MYO1E: variants seen among roughly 807,000 people sequenced by gnomAD.
MYO1E encodes myosin IE, also known as unconventional myosin-Ie.
In MYO1E, 68 loss-of-function variants were observed where a neutral mutation model predicts 151.1. The ratio of observed to expected loss-of-function variants is 0.45; its 90% CI spans 0.37 to 0.55. The LOEUF is 0.55. MYO1E is among the 20% of genes least tolerant of loss of function. The pLI, the probability that MYO1E is intolerant of heterozygous loss-of-function variation, is 0.00. For missense variants in MYO1E, 1,363 were observed against 1,389.3 expected (o/e 0.98, Z 0.30); for synonymous variants, 601 against 501.7 (o/e 1.20, Z -2.64).
intron 1 of MYO1E, among the ~76,000 whole-genome samples, chr15:59,287,791 T>G (rs991758842): frequency 1.3e-5 from 2 of 152,166 alleles, no homozygotes; most frequent in African/African-American, 4.8e-5. Flanking sequence ...CACCCTAAGA[T>G]AGGATGGCCT....
Position 59,220,265 on chromosome 15 carries a change from G to A in MYO1E, c.911-2178C>T, listed in dbSNP as rs578121595. Among the ~76,000 whole-genome samples the A allele has an allele frequency of 6.0e-4, 91 of 152,222 alleles. No homozygotes were observed. The South Asian group carries it at 0.017, about 28-fold the overall frequency. The stretch of plus-strand genomic sequence containing the variant: ...GGAGTTTGAGACTAGCCTGGTCAAC[G>A]TGGCAAAACCCCATCTCTACTAAAA... On this transcript the variant is annotated intron_variant, in intron 9 of 27. Transcript: ENST00000288235.
chr15:59,277,471 G>A (rs1354305529), intron 1 of MYO1E, among the ~76,000 whole-genome samples: 3 of 150,896 alleles, frequency 2.0e-5, no homozygotes, highest in African/African-American at 7.4e-5. Context: ...CTTGAACCCA[G>A]GAGGCGGAGG....
intron 1 of MYO1E, among the ~76,000 whole-genome samples, chr15:59,301,128 A>G (rs369419857): frequency 4.6e-5 from 7 of 151,986 alleles, no homozygotes; most frequent in African/African-American, 1.2e-4. Context: ...TCGACCTCCT[A>G]AAGTGCTAGG....
intron 17 of MYO1E, among the ~76,000 whole-genome samples, chr15:59,191,914 T>C (rs1249564461): frequency 6.6e-6 from 1 of 152,186 alleles, no homozygotes; most frequent in Admixed American, 6.5e-5. Flanking sequence ...TAGAGAACTC[T>C]GCAAGGCAGC....
intron 18 of MYO1E, among the ~76,000 whole-genome samples, chr15:59,180,763 ACT>A (rs1410480601): frequency 6.6e-6 from 1 of 151,820 alleles, no homozygotes; most frequent in African/African-American, 2.4e-5. Flanking sequence ...TACCCAGGCC[ACT>A]CTCTTTCTCT....
chr15:59,247,174 T>G (rs974688277), intron 4 of MYO1E, among the ~76,000 whole-genome samples: 6 of 152,144 alleles, frequency 3.9e-5, no homozygotes, highest in Non-Finnish European at 7.4e-5. Flanking sequence ...CCAGCCTAGG[T>G]GACAGAGCGA....
chr15:59,372,660 A>C lies in MYO1E; in HGVS notation c.-160T>G. ...AGGAGCCAATGGGAACCCAGAGGGG[A>C]CTCCATCCAGGCGGGATTGGCGGTG... On this transcript the variant is annotated 5_prime_UTR_variant, in exon 1 of 28. Coordinates refer to ENST00000288235, the MANE Select transcript of MYO1E (RefSeq NM_004998.4). The C allele has an allele frequency of 4.5e-6, 4 of 887,614 alleles. No individual in the cohort carries two copies. Among genetic ancestry groups the C allele is most frequent in the Non-Finnish European group, 6.7e-6 (4 of 599,024 alleles). The allele number at this position is 887,614 out of a possible 1,614,324, so 55.0% of individuals were successfully genotyped here.
intron 2 of MYO1E, among the ~76,000 whole-genome samples, chr15:59,269,828 T>C (rs1283267868): frequency 6.6e-6 from 1 of 151,360 alleles, no homozygotes; most frequent in Admixed American, 6.6e-5. Flanking sequence ...CACTTCAGCC[T>C]GGCGAGAGAG....
At chr15:59,199,516 G>A (rs2079788121) in intron 16 of MYO1E, among the ~76,000 whole-genome samples, 1 of 151,296 alleles carries the variant, frequency 6.6e-6, no homozygotes, top group South Asian at 2.1e-4. Context: ...GATTTGAGAT[G>A]CTCAACCTGT....
intron 5 of MYO1E, among the ~76,000 whole-genome samples, chr15:59,235,952 A>G (rs1187137837): frequency 6.6e-6 from 1 of 152,104 alleles, no homozygotes; most frequent in African/African-American, 2.4e-5. Flanking sequence ...TTTTGTGAGT[A>G]ATTTATATTT....
intron 1 of MYO1E, among the ~76,000 whole-genome samples, chr15:59,349,126 A>G (rs554824488): frequency 2.6e-5 from 4 of 152,182 alleles, no homozygotes; most frequent in Non-Finnish European, 5.9e-5. Context: ...AGACTTGGAC[A>G]TGATGGAAGG....
chr15:59,300,439 C>A (rs1323622505), intron 1 of MYO1E, among the ~76,000 whole-genome samples: 1 of 152,174 alleles, frequency 6.6e-6, no homozygotes, highest in Non-Finnish European at 1.5e-5. Flanking sequence ...CTTCTAGAGG[C>A]TTAGAACCAC....
At chr15:59,226,851 G>T (rs1329894812) in intron 7 of MYO1E, among the ~76,000 whole-genome samples, 2 of 152,184 alleles carry the variant, frequency 1.3e-5, no homozygotes, top group Non-Finnish European at 2.9e-5. Flanking sequence ...TCAGATGACT[G>T]CTGAAGCCTG....
At chr15:59,317,665 A>C (rs1343003633) in intron 1 of MYO1E, among the ~76,000 whole-genome samples, 2 of 152,200 alleles carry the variant, frequency 1.3e-5, no homozygotes, top group African/African-American at 2.4e-5. Context: ...TCTTCGGAAC[A>C]GTAAACCCTG....
chr15:59,281,919 G>A (rs1306562953), intron 1 of MYO1E, among the ~76,000 whole-genome samples: 2 of 150,540 alleles, frequency 1.3e-5, no homozygotes, highest in Admixed American at 6.6e-5. Flanking sequence ...AGCTATGATT[G>A]CACCACTGCA....
rs749031065 is a variant in MYO1E at position 59,173,789 on chromosome 15, ATCT to A, written c.2288_2290del (p.Lys763del). On this transcript the variant is annotated inframe_deletion, in exon 21 of 28. Coordinates refer to ENST00000288235, the MANE Select transcript of MYO1E (RefSeq NM_004998.4). The stretch of plus-strand genomic sequence containing the variant: ...CTTGGTGACTGTGTCTGCGAAATCA[ATCT>A]TCTCCCTCTTGCCCACGAACTGCTG... The A allele has an allele frequency of 2.5e-6, 4 of 1,613,914 alleles. No homozygotes were observed. The highest frequency in any genetic ancestry group is 2.5e-6 in the Non-Finnish European group (3 of 1,179,928).
chr15:59,216,666 G>GTGTGTGTGTGTGTGTGTGTGTA (rs777094542), intron 10 of MYO1E, among the ~76,000 whole-genome samples: 6 of 30,888 alleles, frequency 1.9e-4, no homozygotes, highest in Middle Eastern at 0.025. Flanking sequence ...GTGTGTATGT[G>GTGTGTGTGTGTGTGTGTGTGTA]TATATATATA....
chr15:59,188,244 A>G lies in MYO1E; in HGVS notation c.1806-28T>C, dbSNP rs112524503. ...GTGCAAAGGAGAAAATGGGGCCTGGACATTACTGGATAATCCTTTCACTCG... is the reference window on the plus strand; with the variant it reads ...GTGCAAAGGAGAAAATGGGGCCTGGGCATTACTGGATAATCCTTTCACTCG... On this transcript the variant is annotated intron_variant, in intron 17 of 27. Transcript: ENST00000288235. 2.4e-5 allele frequency: 38 copies of G among 1,556,472 alleles called. No individual in the cohort carries two copies. In the Admixed American group the frequency reaches 6.0e-4, roughly 25 times the overall value.
rs566208187 is a variant in MYO1E at position 59,295,801 on chromosome 15, G to A, written c.4-23352C>T. On this transcript the variant is annotated intron_variant, in intron 1 of 27. Transcript: ENST00000288235. ...CAAAGGAGTGGAAGAGACGGGGAAG[G>A]ACTGATGTGCAAATTTCCGGTCCAG... Among the ~76,000 whole-genome samples the A allele has an allele frequency of 8.2e-4, 125 of 152,234 alleles. 3 individuals carry two copies. Among genetic ancestry groups the A allele is most frequent in the Middle Eastern group, 3.4e-3 (1 of 294 alleles).
Sources: allele counts gnomAD v4.1 joint callset (sites outside exome capture counted in the v4.1 genomes callset), GRCh38; gene constraint gnomAD v4.1.1; transcripts MANE v1.5; gene names NCBI Gene and HGNC (gene_info 2026-07-23, HGNC 2026-07-21).